NR2C1: variants seen among roughly 807,000 people sequenced by gnomAD.
NR2C1 encodes TR2 nuclear hormone receptor.
A neutral mutation model predicts 74.8 loss-of-function variants in NR2C1; 33 were observed. The ratio of observed to expected loss-of-function variants is 0.44; its 90% CI spans 0.33 to 0.59. The LOEUF is 0.59. Ranked by LOEUF, NR2C1 falls within the 20% of genes least tolerant of loss-of-function variation. The probability of loss-of-function intolerance (pLI) is 0.02; values close to 1 mark genes in which losing one functional copy is unlikely to be tolerated. For synonymous variants in NR2C1, 225 were observed against 240.6 expected, an observed-to-expected ratio of 0.94 and a Z score of 0.60; for missense variants, 568 against 715.6, an observed-to-expected ratio of 0.79 and a Z score of 2.35.
At chr12:95,058,577 T>A in intron 4 of NR2C1, 88 bp from the exon 5 acceptor site, 1 of 1,026,338 alleles carries the variant, frequency 9.7e-7, no homozygotes, top group Non-Finnish European at 1.4e-6. Context: ...TTAAACAACA[T>A]ATAAGATGAA....
intron 3 of NR2C1, 33 bp downstream of exon 3, chr12:95,062,475 G>A (rs1458000827): frequency 6.9e-7 from 1 of 1,443,822 alleles, no homozygotes; most frequent in East Asian, 2.5e-5. Context: ...TTTTATATAT[G>A]TAAGAGGAAA....
intron 10 of NR2C1, among the ~76,000 whole-genome samples, chr12:95,035,709 AC>A (rs1870736765): frequency 6.6e-6 from 1 of 152,192 alleles, no homozygotes; most frequent in African/African-American, 2.4e-5. Context: ...ATTTATCTAA[AC>A]CCCAAACCAA....
At chr12:95,028,586 C>A in intron 11 of NR2C1, 62 bp from the exon 12 acceptor site, 2 of 1,187,712 alleles carry the variant, frequency 1.7e-6, no homozygotes, top group Non-Finnish European at 2.4e-6. Flanking sequence ...TACTTTCATC[C>A]AATATATTTC....
At chr12:95,073,205 C>G (rs922536256) in intron 1 of NR2C1, among the ~76,000 whole-genome samples, 175 bp downstream of exon 1, 1 of 152,218 alleles carries the variant, frequency 6.6e-6, no homozygotes, top group Non-Finnish European at 1.5e-5. Flanking sequence ...GCTCCGCGCT[C>G]CCAGCCGAAG....
At chr12:95,039,198 C>T (rs1871216291) in intron 10 of NR2C1, among the ~76,000 whole-genome samples, 1 of 152,194 alleles carries the variant, frequency 6.6e-6, no homozygotes, top group Non-Finnish European at 1.5e-5. Context: ...TATCTGAGCA[C>T]ATGATTTAAT....
At chr12:95,070,143 T>A (rs995634506) in intron 1 of NR2C1, among the ~76,000 whole-genome samples, 27 of 146,666 alleles carry the variant, frequency 1.8e-4, no homozygotes, top group Admixed American at 6.8e-5. Flanking sequence ...TTGTTTTTTG[T>A]TTTTTTGAGA....
At chr12:95,069,138 G>A (rs535206185) in intron 1 of NR2C1, among the ~76,000 whole-genome samples, 1 of 152,100 alleles carries the variant, frequency 6.6e-6, no homozygotes, top group Non-Finnish European at 1.5e-5. Flanking sequence ...TAAATACAAG[G>A]ATTACCACAA....
At chr12:95,067,539 T>C in intron 1 of NR2C1, 148 bp from the exon 2 acceptor site, 1 of 663,048 alleles carries the variant, frequency 1.5e-6, no homozygotes, top group Non-Finnish European at 2.5e-6. Context: ...GTTTCTTTTT[T>C]CCATTCATGG....
At chr12:95,055,585 G>A (rs2136169972) in intron 7 of NR2C1, among the ~76,000 whole-genome samples, 2 of 152,290 alleles carry the variant, frequency 1.3e-5, no homozygotes, top group East Asian at 3.9e-4. Context: ...AGTATTTAGA[G>A]CGCCTTAAAG....
intron 8 of NR2C1, among the ~76,000 whole-genome samples, chr12:95,049,703 A>G (rs1284690328): frequency 6.6e-6 from 1 of 152,152 alleles, no homozygotes; most frequent in African/African-American, 2.4e-5. Flanking sequence ...TTTGTATACA[A>G]AAGTTACTTA....
In NR2C1 at chr12:95,067,129, C is replaced by T. The variant is rs776690201; in HGVS notation, c.54+202G>A. 6.8e-6 allele frequency: 4 copies of T among 591,660 alleles called. No individual in the cohort carries two copies. In the African/African-American group the frequency reaches 7.6e-5, roughly 11 times the overall value. The allele number at this position is 591,660 out of a possible 1,614,324, so 36.7% of individuals were successfully genotyped here. On this transcript the variant is annotated intron_variant, in intron 2 of 13. Transcript: ENST00000333003. ...TCAATTTTCTTCTGTGCTCCCATTGCACCTGATACAATGACCTGTCACAGA... is the reference window on the plus strand; with the variant it reads ...TCAATTTTCTTCTGTGCTCCCATTGTACCTGATACAATGACCTGTCACAGA...
intron 10 of NR2C1, among the ~76,000 whole-genome samples, chr12:95,037,949 C>A (rs1190211024): frequency 2.0e-5 from 3 of 148,770 alleles, no homozygotes; most frequent in African/African-American, 7.4e-5. Context: ...TTTAGAATAG[C>A]TTTTATTTCC....
At chr12:95,064,057 C>CAGTG (rs1394567571) in intron 2 of NR2C1, among the ~76,000 whole-genome samples, 2 of 138,496 alleles carry the variant, frequency 1.4e-5, no homozygotes, top group African/African-American at 5.4e-5. Flanking sequence ...GGGATGGACA[C>CAGTG]AGTGGCTCAT....
At chr12:95,066,453 T>C (rs964842418) in intron 2 of NR2C1, among the ~76,000 whole-genome samples, 47 of 152,220 alleles carry the variant, frequency 3.1e-4, no homozygotes, top group African/African-American at 1.1e-3. Flanking sequence ...TATATGTATA[T>C]ATGTTAAAGA....
intron 8 of NR2C1, among the ~76,000 whole-genome samples, chr12:95,050,488 T>C (rs1872830847): frequency 6.6e-6 from 1 of 152,090 alleles, no homozygotes; most frequent in Admixed American, 6.6e-5. Context: ...TTTTCATTTT[T>C]AGTAGAGATG....
chr12:95,060,655 AAAAAC>A (rs987973783), intron 3 of NR2C1, among the ~76,000 whole-genome samples: 4 of 152,344 alleles, frequency 2.6e-5, no homozygotes, highest in East Asian at 3.9e-4. Context: ...ACTCCATCTC[AAAAAC>A]AAAACAAAAC....
chr12:95,032,330 G>A (rs1360485707), intron 10 of NR2C1, among the ~76,000 whole-genome samples: 1 of 152,090 alleles, frequency 6.6e-6, no homozygotes, highest in African/African-American at 2.4e-5. Context: ...GAATTTCTAA[G>A]TAACTGATCT....
At chr12:95,066,547 A>AAC (rs1358111581) in intron 2 of NR2C1, among the ~76,000 whole-genome samples, 1 of 152,228 alleles carries the variant, frequency 6.6e-6, no homozygotes, top group Non-Finnish European at 1.5e-5. Context: ...TCGACACTAC[A>AAC]TCAACTCAAC....
At chr12:95,040,164 A>C (rs910602091) in intron 10 of NR2C1, among the ~76,000 whole-genome samples, 1 of 138,742 alleles carries the variant, frequency 7.2e-6, no homozygotes, top group African/African-American at 2.6e-5. Context: ...GCAGTCTTAC[A>C]GTCTCTCTAT....
Sources: allele counts gnomAD v4.1 joint callset (sites outside exome capture counted in the v4.1 genomes callset), GRCh38; gene constraint gnomAD v4.1.1; transcripts MANE v1.5; gene names NCBI Gene and HGNC (gene_info 2026-07-23, HGNC 2026-07-21).